The following CDC42BPB variants were observed in gnomAD, a reference collection of about 807,000 sequenced individuals.
CDC42BPB encodes the protein serine/threonine-protein kinase MRCK beta.
A neutral mutation model predicts 214.9 loss-of-function variants in CDC42BPB; 37 were observed. The observed-to-expected ratio is 0.17, with a 90% CI of 0.13 to 0.23. The LOEUF is 0.23. CDC42BPB is among the 10% of genes least tolerant of loss of function. The pLI is 1.00. For synonymous variants in CDC42BPB, 931 were observed against 884.0 expected, an observed-to-expected ratio of 1.05 and a Z score of -0.94; for missense variants, 1,694 against 2,227.0, an observed-to-expected ratio of 0.76 and a Z score of 4.82.
At chr14:102,978,088 G>T (rs1377414828) in intron 9 of CDC42BPB, 38 bp downstream of exon 9, 1 of 1,483,878 alleles carries the variant, frequency 6.7e-7, no homozygotes, top group South Asian at 1.1e-5. Context: ...CTACCACAGG[G>T]GAAGTGTCTC....
rs1261329799 is a variant in CDC42BPB at position 102,972,065 on chromosome 14, G to A, written c.1738C>T (p.Leu580=). The change falls in exon 13 of 37, where the codon CTG becomes TTG. Residue 580 remains leucine (L), a synonymous_variant. Transcript: ENST00000361246. ...CGGAGCTCTGCCATGCGCTCGTTCAGCTCCGAGAACTCCTGCAGGGCCAGC... is the reference window on the plus strand; with the variant it reads ...CGGAGCTCTGCCATGCGCTCGTTCAACTCCGAGAACTCCTGCAGGGCCAGC... ...RKLALQEFSE[L]NERMAELRAQ... The A allele has an allele frequency of 1.2e-6, 2 of 1,614,270 alleles. No homozygotes were observed. Among genetic ancestry groups the A allele is most frequent in the Non-Finnish European group, 1.7e-6 (2 of 1,180,056 alleles).
intron 26 of CDC42BPB, among the ~76,000 whole-genome samples, chr14:102,948,696 G>C (rs1218235942): frequency 7.9e-6 from 1 of 127,112 alleles, no homozygotes; most frequent in Non-Finnish European, 1.7e-5. Context: ...TGGAGGTGAG[G>C]GGGGAGCAGG....
chr14:102,973,928 A>G, intron 12 of CDC42BPB, 88 bp downstream of exon 12: 1 of 1,460,138 alleles, frequency 6.8e-7, no homozygotes, highest in Non-Finnish European at 9.2e-7. Context: ...AGGAGTCCCA[A>G]GAGGTCTTCC....
At chr14:103,021,342 T>C (rs1353494689) in intron 1 of CDC42BPB, among the ~76,000 whole-genome samples, 1 of 152,136 alleles carries the variant, frequency 6.6e-6, no homozygotes, top group African/African-American at 2.4e-5. Context: ...GGCGGGCACC[T>C]GTAGTCCCAG....
chr14:103,034,919 T>C (rs919331359), intron 1 of CDC42BPB, among the ~76,000 whole-genome samples: 1 of 152,150 alleles, frequency 6.6e-6, no homozygotes, highest in African/African-American at 2.4e-5. Flanking sequence ...TCCTTAATAT[T>C]AAACAAAGTT....
At chr14:103,013,024 G>T (rs961339823) in intron 1 of CDC42BPB, among the ~76,000 whole-genome samples, 2 of 152,144 alleles carry the variant, frequency 1.3e-5, no homozygotes, top group African/African-American at 4.8e-5. Flanking sequence ...TTCTCAGGAG[G>T]TATCCCCATC....
rs1313865039 is a variant in CDC42BPB, at chr14:102,940,312, G to A, written c.4421C>T (p.Thr1474Ile). Residue 1474 changes from threonine (T) to isoleucine (I), a missense_variant, in exon 31 of 37, where the codon ACC becomes ATC. Thr to Ile is a moderately conservative substitution (Grantham distance 89). Around this residue, in one of 7 missense-constraint regions of CDC42BPB, gnomAD observed 567 missense variants for 790.3 expected, o/e 0.72. Transcript: ENST00000361246. ...ATACTCGCTGTACACCGTGACGTGGGTGGGGCTGCAACCTAGCGCAGACGG... is the reference window on the plus strand; with the variant it reads ...ATACTCGCTGTACACCGTGACGTGGATGGGGCTGCAACCTAGCGCAGACGG... Reference protein sequence around the residue: ...AAPVACSCSPTHVTVYSEYGV... With the variant: ...AAPVACSCSPIHVTVYSEYGV... 2.5e-6 allele frequency: 4 copies of A among 1,573,580 alleles called. No homozygotes were observed. The highest frequency in any genetic ancestry group is 3.4e-6 in the Non-Finnish European group (4 of 1,159,658).
At chr14:102,955,633 A>C (rs577984096) in intron 21 of CDC42BPB, among the ~76,000 whole-genome samples, 3 of 152,336 alleles carry the variant, frequency 2.0e-5, no homozygotes, top group African/African-American at 7.2e-5. Flanking sequence ...CTAAAGCTAC[A>C]CTCTGAAACC....
intron 1 of CDC42BPB, among the ~76,000 whole-genome samples, chr14:103,026,470 A>G (rs1188056650): frequency 1.3e-5 from 2 of 152,202 alleles, no homozygotes; most frequent in African/African-American, 4.8e-5. Flanking sequence ...TACAGGTAAA[A>G]CATGAAAAAC....
At chr14:102,953,717 C>T (rs1009563067) in intron 23 of CDC42BPB, among the ~76,000 whole-genome samples, 1 of 152,220 alleles carries the variant, frequency 6.6e-6, no homozygotes, top group East Asian at 1.9e-4. Flanking sequence ...CCAGTGGGGC[C>T]GCTGTGCTGG....
chr14:103,029,089 A>G (rs560060296), intron 1 of CDC42BPB, among the ~76,000 whole-genome samples: 1 of 152,372 alleles, frequency 6.6e-6, no homozygotes, highest in South Asian at 2.1e-4. Context: ...GGATAAAAGT[A>G]AACATTTTTA....
Position 102,933,111 on chromosome 14 carries a change from T to C in CDC42BPB, c.*601A>G, listed in dbSNP as rs4708. 71,050 of 152,334 alleles carry C rather than the reference T, an allele frequency of 0.47. 17,973 individuals carry two copies. Among genetic ancestry groups the C allele is most frequent in the African/African-American group, 0.65 (27,101 of 41,470 alleles). The allele number at this position is 152,334 out of a possible 1,614,324, so 9.4% of individuals were successfully genotyped here. The stretch of plus-strand genomic sequence containing the variant: ...TGGCTGCGACCCAGAATGAACTTAA[T>C]GCACACAGGGACGCAGGGTGTCACT... On this transcript the variant is annotated 3_prime_UTR_variant, in exon 37 of 37. Transcript: ENST00000361246.
rs531034769 is a variant in CDC42BPB, at chr14:103,056,652, C to T, written c.175+347G>A. Among the ~76,000 whole-genome samples the T allele has an allele frequency of 3.6e-3, 478 of 133,404 alleles. 1 individual carries two copies. The highest frequency in any genetic ancestry group is 0.013 in the African/African-American group (448 of 34,230). The allele number at this position is 133,404 out of a possible 152,430, so 87.5% of individuals were successfully genotyped here. ...GACTCGGAGGGTGGATCTAGGAAGC[C>T]GCCAGGGCGAGGGCCCGGCGGGGGG... On this transcript the variant is annotated intron_variant, in intron 1 of 36. Transcript: ENST00000361246.
intron 1 of CDC42BPB, among the ~76,000 whole-genome samples, chr14:103,040,437 A>T (rs539190932): frequency 7.1e-6 from 1 of 140,184 alleles, no homozygotes; most frequent in Admixed American, 7.1e-5. Flanking sequence ...CTGAAAACTG[A>T]AACTTTTTTT....
intron 1 of CDC42BPB, among the ~76,000 whole-genome samples, chr14:103,019,023 A>G (rs976414996): frequency 6.6e-6 from 1 of 152,160 alleles, no homozygotes; most frequent in African/African-American, 2.4e-5. Flanking sequence ...AGCTCACTGC[A>G]GCCTCCACTT....
At chr14:102,969,104 G>A (rs1006913650) in intron 14 of CDC42BPB, among the ~76,000 whole-genome samples, 2 of 152,262 alleles carry the variant, frequency 1.3e-5, no homozygotes, top group African/African-American at 2.4e-5. Context: ...CAGAGGGGCC[G>A]TGCACCCCAG....
intron 12 of CDC42BPB, among the ~76,000 whole-genome samples, chr14:102,972,540 T>A (rs1200608187): frequency 6.6e-6 from 1 of 151,452 alleles, no homozygotes; most frequent in Non-Finnish European, 1.5e-5. Flanking sequence ...TACAAAAAAA[T>A]TAGCTGGGCG....
intron 19 of CDC42BPB, 106 bp downstream of exon 19, chr14:102,964,396 G>T: frequency 7.3e-7 from 1 of 1,362,480 alleles, no homozygotes; most frequent in Non-Finnish European, 1.0e-6. Flanking sequence ...AAACGCCGTG[G>T]CCCCGATTTT....
intron 1 of CDC42BPB, among the ~76,000 whole-genome samples, chr14:103,046,686 C>T (rs1397232094): frequency 6.6e-6 from 1 of 152,154 alleles, no homozygotes; most frequent in East Asian, 1.9e-4. Flanking sequence ...GACAGTCTCT[C>T]TCTGTCACCC....
Sources: allele counts gnomAD v4.1 joint callset (sites outside exome capture counted in the v4.1 genomes callset), GRCh38; gene constraint gnomAD v4.1.1; regional missense constraint gnomAD v4.1.1; transcripts MANE v1.5; gene names NCBI Gene and HGNC (gene_info 2026-07-23, HGNC 2026-07-21).